Variants in NLGN1 observed in about 807,000 individuals in gnomAD.
NLGN1 encodes neuroligin 1, also known as neuroligin-1.
In NLGN1, 12 loss-of-function variants were observed where a neutral mutation model predicts 65.5. That is an observed-to-expected ratio of 0.18 (90% CI 0.12 to 0.30). NLGN1 has a LOEUF of 0.30. Among genes scored for constraint, NLGN1 ranks in the 10% least tolerant of loss-of-function variants. NLGN1 has a pLI of 1.00. For synonymous variants in NLGN1, 350 were observed against 359.5 expected (o/e 0.97, Z 0.30); for missense variants, 750 against 1,007.1 (o/e 0.74, Z 3.46).
At chr3:174,021,837 ACTT>A (rs1286573346) in intron 4 of NLGN1, among the ~76,000 whole-genome samples, 1 of 152,176 alleles carries the variant, frequency 6.6e-6, no homozygotes, top group Non-Finnish European at 1.5e-5. Context: ...GATTTCTGTC[ACTT>A]ACAACTGAAA....
chr3:173,737,907 C>T (rs1774032396), intron 3 of NLGN1, among the ~76,000 whole-genome samples: 1 of 151,994 alleles, frequency 6.6e-6, no homozygotes, highest in Non-Finnish European at 1.5e-5. Context: ...TCTGCATCCT[C>T]ACCAACACTT....
intron 3 of NLGN1, among the ~76,000 whole-genome samples, chr3:173,681,489 A>G (rs978151290): frequency 6.6e-6 from 1 of 152,188 alleles, no homozygotes; most frequent in Non-Finnish European, 1.5e-5. Flanking sequence ...TGGAGCCTAC[A>G]TGATGAATCC....
chr3:173,489,121 C>T (rs1728654992), intron 2 of NLGN1, among the ~76,000 whole-genome samples: 1 of 151,196 alleles, frequency 6.6e-6, no homozygotes, highest in South Asian at 2.1e-4. Flanking sequence ...TTCCAGGGTA[C>T]ATGTGCACAA....
At chr3:173,925,956 CAT>C (rs1742922356) in intron 4 of NLGN1, among the ~76,000 whole-genome samples, 1 of 151,864 alleles carries the variant, frequency 6.6e-6, no homozygotes, top group South Asian at 2.1e-4. Context: ...GCATACATGC[CAT>C]TCAAAACTTC....
At chr3:173,958,340 T>A (rs1264565811) in intron 4 of NLGN1, among the ~76,000 whole-genome samples, 1 of 152,078 alleles carries the variant, frequency 6.6e-6, no homozygotes, top group Non-Finnish European at 1.5e-5. Context: ...ACAGAATAGC[T>A]CAGGAGGGAG....
chr3:173,767,531 C>T (rs528095077), intron 3 of NLGN1, among the ~76,000 whole-genome samples: 9 of 151,824 alleles, frequency 5.9e-5, no homozygotes, highest in Admixed American at 1.3e-4. Flanking sequence ...ACTAAATGAT[C>T]GTAATAACAG....
At chr3:174,127,840 CA>C (rs762509957) in intron 4 of NLGN1, among the ~76,000 whole-genome samples, 5 of 152,080 alleles carry the variant, frequency 3.3e-5, no homozygotes, top group Non-Finnish European at 7.4e-5. Context: ...ATCACAAACA[CA>C]AATGTTTATA....
At chr3:174,142,691 G>C (rs1577072601) in intron 4 of NLGN1, among the ~76,000 whole-genome samples, 1 of 148,102 alleles carries the variant, frequency 6.8e-6, no homozygotes, top group South Asian at 2.1e-4. Context: ...GCCAAAAAAA[G>C]GGTTAAATCA....
intron 2 of NLGN1, among the ~76,000 whole-genome samples, chr3:173,578,401 A>C (rs1745876061): frequency 6.6e-6 from 1 of 152,206 alleles, no homozygotes; most frequent in Non-Finnish European, 1.5e-5. Context: ...TTATGTAATT[A>C]GCATAAAATC....
intron 3 of NLGN1, among the ~76,000 whole-genome samples, chr3:173,665,315 T>C (rs146273505): frequency 6.6e-6 from 1 of 152,104 alleles, no homozygotes; most frequent in Non-Finnish European, 1.5e-5. Context: ...CCTGCCGCCA[T>C]GTGAAGAAGG....
intron 3 of NLGN1, among the ~76,000 whole-genome samples, chr3:173,785,382 A>G (rs542346309): frequency 6.6e-6 from 1 of 152,178 alleles, no homozygotes; most frequent in Non-Finnish European, 1.5e-5. Context: ...TAATTTTCTT[A>G]AAAATATGTT....
At chr3:174,226,207 A>G (rs1739660734) in intron 4 of NLGN1, among the ~76,000 whole-genome samples, 1 of 152,160 alleles carries the variant, frequency 6.6e-6, no homozygotes, top group Non-Finnish European at 1.5e-5. Flanking sequence ...TGAAATAATT[A>G]TGAGTGCCAA....
chr3:173,673,418 G>A (rs373022027), intron 3 of NLGN1, among the ~76,000 whole-genome samples: 153 of 152,262 alleles, frequency 1.0e-3, no homozygotes, highest in African/African-American at 3.5e-3. Context: ...CAGAACATTA[G>A]AGTATACATT....
chr3:174,110,871 C>T (rs1037341596), intron 4 of NLGN1, among the ~76,000 whole-genome samples: 2 of 151,830 alleles, frequency 1.3e-5, no homozygotes, highest in African/African-American at 2.4e-5. Context: ...ATTTAAAGCA[C>T]TAGATAAGAA....
At chr3:174,222,712 G>A (rs955517260) in intron 4 of NLGN1, among the ~76,000 whole-genome samples, 4 of 152,062 alleles carry the variant, frequency 2.6e-5, no homozygotes, top group African/African-American at 9.7e-5. Context: ...TGAGTTTGCA[G>A]TTCTCTTCCA....
intron 4 of NLGN1, among the ~76,000 whole-genome samples, chr3:174,257,733 A>G (rs1021889540): frequency 3.3e-5 from 5 of 151,420 alleles, no homozygotes; most frequent in East Asian, 1.9e-4. Flanking sequence ...ATATATATAT[A>G]TATATTTATT....
chr3:174,232,063 C>T (rs185866948), intron 4 of NLGN1, among the ~76,000 whole-genome samples: 12 of 152,294 alleles, frequency 7.9e-5, no homozygotes, highest in African/African-American at 2.2e-4. Context: ...ACCAAACAGG[C>T]TTTGTGTGAG....
At chr3:173,789,010 A>G (rs1344679000) in intron 3 of NLGN1, among the ~76,000 whole-genome samples, 1 of 151,978 alleles carries the variant, frequency 6.6e-6, no homozygotes, top group Non-Finnish European at 1.5e-5. Flanking sequence ...AACCTGGCCA[A>G]TATGGTGAAA....
chr3:173,727,435 A>G (rs150844111), intron 3 of NLGN1, among the ~76,000 whole-genome samples: 57 of 152,258 alleles, frequency 3.7e-4, no homozygotes, highest in Middle Eastern at 3.4e-3. Context: ...ATTCTTGCAA[A>G]TATCTTTCAT....
Sources: allele counts gnomAD v4.1 joint callset (sites outside exome capture counted in the v4.1 genomes callset), GRCh38; gene constraint gnomAD v4.1.1; transcripts MANE v1.5; gene names NCBI Gene and HGNC (gene_info 2026-07-23, HGNC 2026-07-21).